YJU2B: variants seen among roughly 807,000 people sequenced by gnomAD.
The protein encoded by YJU2B is YJU2 splicing factor homolog B.
Under a neutral mutation model 38.0 loss-of-function variants are expected in YJU2B, and 18 were observed. That is an observed-to-expected ratio of 0.47 (90% CI 0.33 to 0.70). The LOEUF is 0.70. Ranked by LOEUF, YJU2B falls within the 30% of genes least tolerant of loss-of-function variation. YJU2B has a pLI of 0.02. For synonymous variants in YJU2B, 246 were observed against 225.4 expected (o/e 1.09, Z -0.82); for missense variants, 538 against 556.3 (o/e 0.97, Z 0.33).
At chr19:13,755,961 A>AAAAT (rs953030865) in intron 3 of YJU2B, among the ~76,000 whole-genome samples, 4 of 152,130 alleles carry the variant, frequency 2.6e-5, no homozygotes, top group Non-Finnish European at 4.4e-5. Context: ...TCCATCTCAA[A>AAAAT]AAATAAATAA....
intron 1 of YJU2B, among the ~76,000 whole-genome samples, chr19:13,749,757 C>G (rs1411365454): frequency 6.6e-6 from 1 of 151,862 alleles, no homozygotes; most frequent in Non-Finnish European, 1.5e-5. Flanking sequence ...CTCAGCCTCC[C>G]GAGTAGCTGG....
At chr19:13,757,656 A>G (rs942903353) in intron 5 of YJU2B, 130 bp from the exon 6 acceptor site, 8 of 1,136,124 alleles carry the variant, frequency 7.0e-6, no homozygotes, top group African/African-American at 1.5e-5. Flanking sequence ...CTGGCTTCCA[A>G]TCCCGTCTCT....
chr19:13,759,005 C>G lies in YJU2B; in HGVS notation c.395C>G (p.Thr132Ser). 2 of 1,613,308 alleles carry G rather than the reference C, an allele frequency of 1.2e-6. No homozygotes were observed. Among genetic ancestry groups the G allele is most frequent in the Non-Finnish European group, 1.7e-6 (2 of 1,179,644 alleles). ...ATGGCGGACAATGAGCAGGTGCTGA[C>G]CACAGGTGAGCGCCACCCACTTACC... ...WDMADNEQVLTTEHEKKQKLE... is the reference protein window; with the variant it reads ...WDMADNEQVLSTEHEKKQKLE... Residue 132 changes from threonine to serine, a missense_variant, in exon 7 of 10, where the codon ACC (threonine) becomes AGC (serine). By Grantham distance (58) the Thr-to-Ser change is moderately conservative. Transcript: ENST00000221554.
chr19:13,759,891 G>A (rs916361220), intron 8 of YJU2B, among the ~76,000 whole-genome samples: 6 of 150,542 alleles, frequency 4.0e-5, no homozygotes, highest in East Asian at 2.0e-4. Context: ...TCTGCCTCCC[G>A]GGTTCAAGTG....
rs1291115496 is a variant in YJU2B, at chr19:13,762,841, C to G, written c.964C>G (p.Pro322Ala). The G allele has an allele frequency of 6.2e-7, 1 of 1,606,504 alleles. No individual in the cohort carries two copies. The highest frequency in any genetic ancestry group is 2.2e-5 in the East Asian group (1 of 44,570). ...DTPKSGEPRV[P>A]EEAAQDRPMS... The stretch of plus-strand genomic sequence containing the variant: ...CCCCAAGTCTGGGGAACCGCGGGTA[C>G]CAGAGGAGGCTGCCCAGGACCGGCC... The change falls in exon 10 of 10, where the codon CCA (proline) becomes GCA (alanine). Residue 322 changes from proline to alanine, a missense_variant. Around this residue, in one of 2 missense-constraint regions of YJU2B, gnomAD observed 488 missense variants for 469.5 expected, o/e 1.04. Coordinates refer to ENST00000221554, the MANE Select transcript of YJU2B (RefSeq NM_030818.4).
At chr19:13,732,599 A>G (rs1599481645) in intron 2 of YJU2B, 1 of 136,824 alleles carries the variant, frequency 7.3e-6, no homozygotes. Context: ...AAAAAAGTGC[A>G]TACTTTCTTT....
chr19:13,759,796 A>ATT (rs1973819544), intron 8 of YJU2B, among the ~76,000 whole-genome samples: 1 of 88,176 alleles, frequency 1.1e-5, no homozygotes, highest in African/African-American at 5.2e-5. Flanking sequence ...ACGCCTGGCT[A>ATT]ATTTTTTTTT....
intron 6 of YJU2B, 148 bp downstream of exon 6, chr19:13,757,994 C>T (rs545901178): frequency 1.1e-5 from 7 of 652,160 alleles, no homozygotes; most frequent in South Asian, 7.4e-5. Context: ...ACCCCACCCC[C>T]GCAACCCTCC....
At chr19:13,734,809 G>C (rs1972903558) in intron 2 of YJU2B, among the ~76,000 whole-genome samples, 1 of 151,794 alleles carries the variant, frequency 6.6e-6, no homozygotes, top group South Asian at 2.1e-4. Context: ...GCCTCACTTT[G>C]TTGCCCAGGC....
chr19:13,753,877 A>G (rs1261844302), intron 2 of YJU2B, among the ~76,000 whole-genome samples: 1 of 151,910 alleles, frequency 6.6e-6, no homozygotes, highest in Non-Finnish European at 1.5e-5. Flanking sequence ...ACACGTGGGG[A>G]TTATGGGAAC....
At chr19:13,756,775 G>C (rs1016216023) in intron 4 of YJU2B, among the ~76,000 whole-genome samples, 1 of 152,120 alleles carries the variant, frequency 6.6e-6, no homozygotes, top group Non-Finnish European at 1.5e-5. Flanking sequence ...AAGAGTTCGA[G>C]AGCAGCCTGG....
chr19:13,750,378 C>G (rs1053138370), intron 1 of YJU2B, among the ~76,000 whole-genome samples: 74 of 152,230 alleles, frequency 4.9e-4, no homozygotes, highest in Non-Finnish European at 8.1e-4. Context: ...AGGCATGCAC[C>G]ATCACACTCG....
chr19:13,753,780 C>G (rs901414633), intron 2 of YJU2B, among the ~76,000 whole-genome samples: 2 of 152,050 alleles, frequency 1.3e-5, no homozygotes, highest in African/African-American at 2.4e-5. Context: ...ACCATGAGGT[C>G]TCTCGAGAAC....
At chr19:13,733,737 G>T (rs576636690) in intron 2 of YJU2B, among the ~76,000 whole-genome samples, 1 of 151,782 alleles carries the variant, frequency 6.6e-6, no homozygotes, top group Non-Finnish European at 1.5e-5. Context: ...AACAAAAAAC[G>T]AACATTAGAC....
intron 1 of YJU2B, among the ~76,000 whole-genome samples, chr19:13,749,492 T>C (rs1187125356): frequency 6.6e-6 from 1 of 152,210 alleles, no homozygotes; most frequent in African/African-American, 2.4e-5. Flanking sequence ...AGTTGAGTTG[T>C]TGGGGCAGAG....
chr19:13,759,579 A>ACCCCCC (rs3059652), intron 8 of YJU2B: 1 of 219,598 alleles, frequency 4.6e-6, no homozygotes, highest in Non-Finnish European at 8.8e-6. Context: ...GTGAGACACC[A>ACCCCCC]CCCCCCCCCT....
upstream of YJU2B, chr19:13,747,797 A>C (rs564101384): frequency 1.3e-5 from 2 of 152,344 alleles, no homozygotes; most frequent in African/African-American, 4.8e-5. Flanking sequence ...GCGTCGCAGA[A>C]CGCTTGGCGT....
At position 13,762,356 on chromosome 19, in the gene YJU2B, G is replaced by A. The variant is rs1271487186; in HGVS notation, c.631G>A (p.Ala211Thr). ...GAGAGACCAGGCCTTGCAGGCCAAG[G>A]CGAGCCTGACCATCCCGCTGGTGCC... ...EERDQALQAK[A>T]SLTIPLVPET... The change falls in exon 9 of 10, where the codon GCG (alanine) becomes ACG (threonine). Residue 211 changes from alanine to threonine, a missense_variant. Transcript: ENST00000221554. 1 of 1,613,988 alleles carries A rather than the reference G, an allele frequency of 6.2e-7. No individual in the cohort carries two copies. Among genetic ancestry groups the A allele is most frequent in the Admixed American group, 1.7e-5 (1 of 60,000 alleles).
At chr19:13,750,024 T>C (rs1973396507) in intron 1 of YJU2B, among the ~76,000 whole-genome samples, 1 of 152,214 alleles carries the variant, frequency 6.6e-6, no homozygotes, top group African/African-American at 2.4e-5. Flanking sequence ...TCACCTGCAC[T>C]GACTGTGACC....
Sources: gnomAD v4.1 joint callset for allele counts (sites outside exome capture counted in the v4.1 genomes callset) on GRCh38, gnomAD v4.1.1 for gene constraint, gnomAD v4.1.1 regional missense constraint, MANE v1.5 for transcripts, NCBI Gene and HGNC (gene_info 2026-07-23, HGNC 2026-07-21) for gene names.